TSHZ2: variants seen among roughly 807,000 people sequenced by gnomAD.
TSHZ2 encodes teashirt homolog 2.
A neutral mutation model predicts 74.4 loss-of-function variants in TSHZ2; 21 were observed. The observed-to-expected ratio is 0.28, with a 90% confidence interval of 0.20 to 0.41. The LOEUF is 0.41. Among genes scored for constraint, TSHZ2 ranks in the 10% least tolerant of loss-of-function variants. The pLI, the probability that TSHZ2 is intolerant of heterozygous loss-of-function variation, is 1.00. For missense variants in TSHZ2, 1,244 were observed against 1,293.5 expected, an observed-to-expected ratio of 0.96 and a Z score of 0.59; for synonymous variants, 540 against 515.3, an observed-to-expected ratio of 1.05 and a Z score of -0.65.
chr20:53,127,845 T>C (rs752006556), intron 1 of TSHZ2, among the ~76,000 whole-genome samples: 3 of 152,196 alleles, frequency 2.0e-5, no homozygotes, highest in Non-Finnish European at 4.4e-5. Flanking sequence ...GAGGCATGAT[T>C]TGAACCCTGA....
At chr20:53,409,917 G>T (rs1193290996) in intron 2 of TSHZ2, among the ~76,000 whole-genome samples, 3 of 129,850 alleles carry the variant, frequency 2.3e-5, no homozygotes, top group Non-Finnish European at 4.6e-5. Flanking sequence ...CGCTATCTCG[G>T]CTCACTGCAA....
intron 1 of TSHZ2, among the ~76,000 whole-genome samples, chr20:53,001,205 CGTGTGTGTGTGTGTGTGT>C (rs558621179): frequency 2.2e-4 from 21 of 94,264 alleles, no homozygotes; most frequent in East Asian, 7.8e-4. Flanking sequence ...CGTTCATGTG[CGTGTGTGTGTGTGTGTGT>C]GTGTGTGTGT....
intron 2 of TSHZ2, among the ~76,000 whole-genome samples, chr20:53,344,109 G>A (rs931446577): frequency 3.3e-5 from 5 of 151,578 alleles, no homozygotes; most frequent in Admixed American, 6.6e-5. Context: ...AGATATTTAT[G>A]CTGATGCAAT....
At chr20:53,093,925 A>G (rs1985961248) in intron 1 of TSHZ2, among the ~76,000 whole-genome samples, 1 of 151,714 alleles carries the variant, frequency 6.6e-6, no homozygotes, top group Non-Finnish European at 1.5e-5. Context: ...CATGATTTTT[A>G]CCTTATCTAG....
intron 1 of TSHZ2, among the ~76,000 whole-genome samples, chr20:53,187,097 T>A (rs1988617605): frequency 6.6e-6 from 1 of 152,056 alleles, no homozygotes; most frequent in East Asian, 1.9e-4. Flanking sequence ...CCTTTTAGAA[T>A]CCAATATAGC....
intron 1 of TSHZ2, among the ~76,000 whole-genome samples, chr20:53,155,466 A>G (rs930731049): frequency 3.3e-5 from 5 of 151,836 alleles, no homozygotes; most frequent in Middle Eastern, 3.4e-3. Flanking sequence ...CTTTGGGCAA[A>G]CTCCAGGGGT....
chr20:53,032,696 C>G (rs1568728299), intron 1 of TSHZ2, among the ~76,000 whole-genome samples: 1 of 151,670 alleles, frequency 6.6e-6, no homozygotes, highest in South Asian at 2.1e-4. Flanking sequence ...TTGTGAGAAC[C>G]GATGAGGAGG....
chr20:53,421,941 A>C (rs894647532), intron 2 of TSHZ2, among the ~76,000 whole-genome samples: 5 of 151,876 alleles, frequency 3.3e-5, no homozygotes, highest in Non-Finnish European at 4.4e-5. Flanking sequence ...TCGGCCTCCC[A>C]AAGTGCTGGG....
chr20:53,318,739 C>CA (rs1464393122), intron 2 of TSHZ2, among the ~76,000 whole-genome samples: 13 of 152,180 alleles, frequency 8.5e-5, no homozygotes, highest in Non-Finnish European at 1.8e-4. Context: ...AGGAAGTCAG[C>CA]AGAGGGGGCA....
At chr20:53,359,249 T>G (rs762155632) in intron 2 of TSHZ2, among the ~76,000 whole-genome samples, 39 of 152,256 alleles carry the variant, frequency 2.6e-4, no homozygotes, top group Non-Finnish European at 4.4e-4. Flanking sequence ...ATAAAAAGGG[T>G]GAAAACTGTC....
chr20:53,000,593 C>T (rs1334852113), intron 1 of TSHZ2, among the ~76,000 whole-genome samples: 1 of 151,846 alleles, frequency 6.6e-6, no homozygotes, highest in Non-Finnish European at 1.5e-5. Flanking sequence ...ATAATACAGG[C>T]AGTATGGAGA....
chr20:53,464,771 AT>A (rs1335976350), intron 2 of TSHZ2, among the ~76,000 whole-genome samples: 4 of 151,894 alleles, frequency 2.6e-5, no homozygotes, highest in Non-Finnish European at 4.4e-5. Flanking sequence ...CCCAGTCAGT[AT>A]TTTTCTTTCT....
rs576705318 is a variant in TSHZ2, at chr20:53,399,822, G to A, written c.*9-87322G>A. The A allele has an allele frequency of 3.9e-5, 6 of 152,392 alleles. No individual in the cohort carries two copies. In the East Asian group the frequency reaches 9.6e-4, roughly 24 times the overall value. The allele number at this position is 152,392 out of a possible 1,614,324, so 9.4% of individuals were successfully genotyped here. On this transcript the variant is annotated intron_variant, in intron 2 of 2. Transcript: ENST00000371497. The stretch of plus-strand genomic sequence containing the variant: ...CCAGGAAGTGGGTTGTGTTTTGGTT[G>A]CCAAATGCAAGAGAGTATGAGTTTT...
intron 2 of TSHZ2, among the ~76,000 whole-genome samples, chr20:53,323,563 C>CTTTTTTTTTTTTTTTTTTTTT (rs34687825): frequency 2.7e-5 from 1 of 36,678 alleles, no homozygotes; most frequent in Admixed American, 4.8e-4. Context: ...CCTTGGAGGG[C>CTTTTTTTTTTTTTTTTTTTTT]TTTTTTTTTT....
chr20:53,094,370 C>G (rs948772056), intron 1 of TSHZ2, among the ~76,000 whole-genome samples: 3 of 152,160 alleles, frequency 2.0e-5, no homozygotes, highest in African/African-American at 7.2e-5. Context: ...CTAAAAACAT[C>G]TTGTCTGCCA....
intron 1 of TSHZ2, among the ~76,000 whole-genome samples, chr20:52,975,420 G>A (rs746804175): frequency 6.6e-6 from 1 of 152,114 alleles, no homozygotes; most frequent in Non-Finnish European, 1.5e-5. Flanking sequence ...GGATCCAGGT[G>A]TACGTAACAT....
chr20:53,154,412 A>G (rs1043082682), intron 1 of TSHZ2, among the ~76,000 whole-genome samples: 3 of 152,216 alleles, frequency 2.0e-5, no homozygotes, highest in Non-Finnish European at 2.9e-5. Flanking sequence ...AATAACAAAT[A>G]ATAAAATTAG....
chr20:53,125,463 C>T (rs1185537553), intron 1 of TSHZ2, among the ~76,000 whole-genome samples: 2 of 152,146 alleles, frequency 1.3e-5, no homozygotes, highest in Admixed American at 1.3e-4. Context: ...GCTTTTAGAA[C>T]ATTGCCTGGC....
In TSHZ2 at chr20:53,074,475, C is replaced by T. The variant is rs1201154194; in HGVS notation, c.40+101142C>T. On this transcript the variant is annotated intron_variant, in intron 1 of 2. Transcript: ENST00000371497. The surrounding 1 kb of genome is among the most constrained non-coding windows in gnomAD (Gnocchi z 5.9). ...TGCAGTACGAAGTGTAGAAATCCAA[C>T]AAATGTGTAAAAGGTAAAGGCAAAC... Among the ~76,000 whole-genome samples, 1 of 152,070 alleles carries T rather than the reference C, an allele frequency of 6.6e-6. No homozygotes were observed. The highest frequency in any genetic ancestry group is 2.4e-5 in the African/African-American group (1 of 41,396).
Sources: allele counts gnomAD v4.1 joint callset (sites outside exome capture counted in the v4.1 genomes callset), GRCh38; gene constraint gnomAD v4.1.1; non-coding constraint Gnocchi (gnomAD v3.1); transcripts MANE v1.5; gene names NCBI Gene and HGNC (gene_info 2026-07-23, HGNC 2026-07-21).